Variants in VAPB observed in about 807,000 individuals in gnomAD.
VAPB encodes the protein VAMP associated protein B and C, also known as vesicle-associated membrane protein-associated protein B/C.
A neutral mutation model predicts 25.6 loss-of-function variants in VAPB; 7 were observed. The ratio of observed to expected loss-of-function variants is 0.27; its 90% CI spans 0.16 to 0.51. VAPB has a LOEUF of 0.51. Ranked by LOEUF, VAPB falls within the 20% of genes least tolerant of loss-of-function variation. VAPB has a pLI of 0.97. For missense variants in VAPB, 266 were observed against 301.3 expected, an observed-to-expected ratio of 0.88 and a Z score of 0.87; for synonymous variants, 112 against 109.2, an observed-to-expected ratio of 1.03 and a Z score of -0.16.
In VAPB at chr20:58,448,837, T is replaced by C. The variant is rs1989362543; in HGVS notation, c.*4602T>C. 4.4e-6 allele frequency: 2 copies of C among 454,014 alleles called. No homozygotes were observed. Among genetic ancestry groups the C allele is most frequent in the African/African-American group, 2.0e-5 (1 of 50,012 alleles). The allele number at this position is 454,014 out of a possible 1,614,324, so 28.1% of individuals were successfully genotyped here. Reference sequence around the variant, plus strand: ...GCCTGAAGATCTCTGCTGATGCTCCTGGAGAATGACTTTGGGGGCTTTAGA... The same window carrying C: ...GCCTGAAGATCTCTGCTGATGCTCCCGGAGAATGACTTTGGGGGCTTTAGA... On this transcript the variant is annotated 3_prime_UTR_variant, in exon 6 of 6. Coordinates refer to ENST00000475243, the MANE Select transcript of VAPB (RefSeq NM_004738.5).
At position 58,418,258 on chromosome 20, in the gene VAPB, A is replaced by G. The variant is rs1988592505; in HGVS notation, c.106A>G (p.Thr36Ala). Residue 36 changes from threonine (T) to alanine (A), a missense_variant, in exon 2 of 6, where the codon ACA becomes GCA. Thr to Ala is a moderately conservative substitution (Grantham distance 58). This residue lies in a region of VAPB where 98 missense variants were observed against 147.1 expected (regional missense o/e 0.67). Coordinates refer to ENST00000475243, the MANE Select transcript of VAPB (RefSeq NM_004738.5). ...VTTNLKLGNP[T>A]DRNVCFKVKT... ...CACCAACCTAAAGCTTGGCAACCCG[A>G]CAGACCGAAATGTGTGTTTTAAGGT... 1.9e-6 allele frequency: 3 copies of G among 1,614,154 alleles called. No homozygotes were observed. Among genetic ancestry groups the G allele is most frequent in the Non-Finnish European group, 2.5e-6 (3 of 1,180,020 alleles).
At chr20:58,413,438 CAT>C (rs1187509110) in intron 1 of VAPB, among the ~76,000 whole-genome samples, 3 of 152,238 alleles carry the variant, frequency 2.0e-5, no homozygotes, top group Admixed American at 1.3e-4. Flanking sequence ...GGACACAGCA[CAT>C]GTTTCAGAGA....
At chr20:58,443,568 A>G (rs918961841) in intron 5 of VAPB, among the ~76,000 whole-genome samples, 2 of 152,090 alleles carry the variant, frequency 1.3e-5, no homozygotes, top group African/African-American at 4.8e-5. Context: ...GATTACAAGC[A>G]TGAGCCACCG....
chr20:58,441,635 T>C (rs545208178), intron 5 of VAPB, among the ~76,000 whole-genome samples: 127 of 152,240 alleles, frequency 8.3e-4, no homozygotes, highest in Non-Finnish European at 1.5e-3. Flanking sequence ...GAGCTAGACT[T>C]CGTCTCAAAA....
rs150092108 is a variant in VAPB, at chr20:58,403,415, C to T, written c.58+13898C>T. On this transcript the variant is annotated intron_variant, in intron 1 of 5. Transcript: ENST00000475243. ...GAAATCTTGTTTTCTAGATCTTCCC[C>T]GCTTAAGCAAATGCCCAGTCTTCTA... Among the ~76,000 whole-genome samples the T allele has an allele frequency of 2.6e-4, 39 of 152,314 alleles. 1 individual carries two copies. The East Asian group carries it at 5.0e-3, about 20-fold the overall frequency.
intron 2 of VAPB, among the ~76,000 whole-genome samples, chr20:58,419,524 C>G: frequency 6.6e-6 from 1 of 152,178 alleles, no homozygotes; most frequent in East Asian, 1.9e-4. Flanking sequence ...TTTCTCTTAC[C>G]TGCCCTGTAA....
chr20:58,405,059 G>GA (rs1206134395), intron 1 of VAPB, among the ~76,000 whole-genome samples: 2 of 151,834 alleles, frequency 1.3e-5, no homozygotes, highest in Non-Finnish European at 2.9e-5. Flanking sequence ...TGATAAATGG[G>GA]AAAAAAACAA....
At chr20:58,396,041 C>G (rs1987951211) in intron 1 of VAPB, among the ~76,000 whole-genome samples, 1 of 152,154 alleles carries the variant, frequency 6.6e-6, no homozygotes, top group Non-Finnish European at 1.5e-5. Flanking sequence ...GACAAACCCC[C>G]CTTGCATGGG....
chr20:58,446,066 T>G lies in VAPB; in HGVS notation c.*1831T>G. 2 of 454,018 alleles carry G rather than the reference T, an allele frequency of 4.4e-6. No individual in the cohort carries two copies. Among genetic ancestry groups the G allele is most frequent in the South Asian group, 3.1e-5 (2 of 64,470 alleles). 28.1% of individuals were successfully genotyped at this position (454,018 alleles called of 1,614,324 possible). A position where few individuals can be genotyped will look rare whatever the true frequency, so the allele number is the denominator to read the frequency against. ...GGTCTGAGTAAGTAACTTCCTGTCT[T>G]CATGAAAAAAGTTGACTTTGAATCC... On this transcript the variant is annotated 3_prime_UTR_variant, in exon 6 of 6. Transcript: ENST00000475243.
chr20:58,418,326 CG>C lies in VAPB; in HGVS notation c.176del (p.Gly59GlufsTer13). On this transcript the variant is annotated frameshift_variant, in exon 2 of 6. Coordinates refer to ENST00000475243, the MANE Select transcript of VAPB (RefSeq NM_004738.5). LOFTEE classifies it high-confidence loss of function. The part of the protein sequence containing the change: ...PRRYCVRPNS[G>X]IIDAGASINV... The stretch of plus-strand genomic sequence containing the variant: ...GTAGGTACTGTGTGAGGCCCAACAG[CG>C]GAATCATCGATGCAGGGGCCTCAAT... 1 of 1,614,136 alleles carries C rather than the reference CG, an allele frequency of 6.2e-7. No individual in the cohort carries two copies. Among genetic ancestry groups the C allele is most frequent in the Non-Finnish European group, 8.5e-7 (1 of 1,180,032 alleles).
intron 1 of VAPB, among the ~76,000 whole-genome samples, chr20:58,398,870 T>G (rs1988026569): frequency 6.7e-6 from 1 of 149,000 alleles, no homozygotes; most frequent in East Asian, 1.9e-4. Flanking sequence ...TTTTTTTTTT[T>G]GTCGTCATGC....
chr20:58,414,952 C>A (rs1988501261), intron 1 of VAPB, among the ~76,000 whole-genome samples: 1 of 152,254 alleles, frequency 6.6e-6, no homozygotes, highest in African/African-American at 2.4e-5. Flanking sequence ...ACTGAGTGAA[C>A]GAGACTCCGC....
At chr20:58,403,180 C>G (rs750681616) in intron 1 of VAPB, among the ~76,000 whole-genome samples, 2 of 152,154 alleles carry the variant, frequency 1.3e-5, no homozygotes, top group Non-Finnish European at 2.9e-5. Flanking sequence ...TTGCTTTTCT[C>G]TCTTGTGGAA....
At chr20:58,394,626 C>T (rs529852298) in intron 1 of VAPB, among the ~76,000 whole-genome samples, 8 of 152,222 alleles carry the variant, frequency 5.3e-5, no homozygotes, top group Non-Finnish European at 8.8e-5. Flanking sequence ...CGTAAATCTT[C>T]ATAGATAGTA....
rs909148257 is a variant in VAPB at position 58,449,257 on chromosome 20, C to T, written c.*5022C>T. 2.2e-6 allele frequency: 1 copy of T among 453,968 alleles called. No homozygotes were observed. The highest frequency in any genetic ancestry group is 2.0e-5 in the African/African-American group (1 of 49,994). 28.1% of individuals were successfully genotyped at this position (453,968 alleles called of 1,614,324 possible). On this transcript the variant is annotated 3_prime_UTR_variant, in exon 6 of 6. Transcript: ENST00000475243. ...CACCCCTGTGCCAGGGGGCCCTGAC[C>T]TCCCTCCATGCCATGTTTTTGGCTG...
At position 58,447,078 on chromosome 20, in the gene VAPB, C is replaced by G. The variant is rs962479316; in HGVS notation, c.*2843C>G. On this transcript the variant is annotated 3_prime_UTR_variant, in exon 6 of 6. Coordinates refer to ENST00000475243, the MANE Select transcript of VAPB (RefSeq NM_004738.5). ...CATGGGGGAGCTGCTGCCAGGCTGC[C>G]CTCCAGTCTGCTCCTGTGGTTACTG... The G allele has an allele frequency of 2.2e-6, 1 of 453,936 alleles. No homozygotes were observed. Among genetic ancestry groups the G allele is most frequent in the East Asian group, 6.9e-5 (1 of 14,400 alleles). The allele number at this position is 453,936 out of a possible 1,614,324, so 28.1% of individuals were successfully genotyped here.
At chr20:58,417,923 G>A (rs1453759728) in intron 1 of VAPB, among the ~76,000 whole-genome samples, 1 of 152,148 alleles carries the variant, frequency 6.6e-6, no homozygotes, top group South Asian at 2.1e-4. Flanking sequence ...CCAAGCCTCA[G>A]TTTTCTCATC....
At chr20:58,401,367 A>G (rs1436050027) in intron 1 of VAPB, among the ~76,000 whole-genome samples, 1 of 151,896 alleles carries the variant, frequency 6.6e-6, no homozygotes, top group East Asian at 1.9e-4. Context: ...CCTTCTTATC[A>G]TGGTAAGCTT....
rs1489125194 is a variant in VAPB, at chr20:58,444,516, T to C, written c.*281T>C. 1.8e-6 allele frequency: 1 copy of C among 562,210 alleles called. No individual in the cohort carries two copies. The highest frequency in any genetic ancestry group is 2.2e-5 in the Admixed American group (1 of 45,600). 34.8% of individuals were successfully genotyped at this position (562,210 alleles called of 1,614,324 possible). A position where few individuals can be genotyped will look rare whatever the true frequency, so the allele number is the denominator to read the frequency against. The stretch of plus-strand genomic sequence containing the variant: ...CCATGAGTAATGCCACAATGGCATA[T>C]TGTAAATGTCATTTTAAACATTGGT... On this transcript the variant is annotated 3_prime_UTR_variant, in exon 6 of 6. Transcript: ENST00000475243.
Sources: allele counts gnomAD v4.1 joint callset (sites outside exome capture counted in the v4.1 genomes callset), GRCh38; gene constraint gnomAD v4.1.1; regional missense constraint gnomAD v4.1.1; transcripts MANE v1.5; gene names NCBI Gene and HGNC (gene_info 2026-07-23, HGNC 2026-07-21).